The following ASB15 variants were observed in gnomAD, a reference collection of about 807,000 sequenced individuals.
The protein encoded by ASB15 is ankyrin repeat and SOCS box containing 15, also known as ankyrin repeat and SOCS box protein 15.
ASB15 carries 54 observed loss-of-function variants against 58.0 expected under a neutral mutation model. The observed-to-expected ratio is 0.93, with a 90% CI of 0.75 to 1.17. The LOEUF (loss-of-function observed/expected upper bound fraction) is 1.17, where lower values mean the gene tolerates loss of function less well. Ranked by LOEUF, ASB15 falls within the 50% of genes most tolerant of loss-of-function variation. ASB15 has a pLI of 0.00. For missense variants in ASB15, 680 were observed against 707.4 expected (o/e 0.96, Z 0.44); for synonymous variants, 249 against 262.4 (o/e 0.95, Z 0.50).
intron 10 of ASB15, among the ~76,000 whole-genome samples, 172 bp from the exon 11 acceptor site, chr7:123,629,794 G>A (rs1192125957): frequency 1.3e-5 from 2 of 152,126 alleles, no homozygotes; most frequent in African/African-American, 4.8e-5. Context: ...AGTCTTCAGG[G>A]CTGATGGTTT....
chr7:123,628,883 C>A lies in ASB15; in HGVS notation c.889C>A (p.Pro297Thr). ...GHYLALKYLIPVTSKNAIRKS... is the reference protein window; with the variant it reads ...GHYLALKYLITVTSKNAIRKS... ...TTTTAGTGCACTGAAATATCTTATC[C>A]CAGTAACATCTAAAAATGCAATTCG... The change falls in exon 10 of 12, where the codon CCA (proline) becomes ACA (threonine). Residue 297 changes from proline (P) to threonine (T), a missense_variant. Transcript: ENST00000451215. 1 of 1,545,540 alleles carries A rather than the reference C, an allele frequency of 6.5e-7. No individual in the cohort carries two copies. The highest frequency in any genetic ancestry group is 8.7e-7 in the Non-Finnish European group (1 of 1,147,316).
chr7:123,604,906 A>T (rs912978776), intron 2 of ASB15, among the ~76,000 whole-genome samples: 20 of 152,334 alleles, frequency 1.3e-4, no homozygotes, highest in African/African-American at 4.3e-4. Flanking sequence ...TTTACTGACT[A>T]CTTGTGACAC....
In ASB15 at chr7:123,614,393, G is replaced by C. The variant is rs1800662270; in HGVS notation, c.-2-108G>C. 7.4e-6 allele frequency: 5 copies of C among 677,968 alleles called. No homozygotes were observed. The South Asian group carries it at 9.3e-5, about 13-fold the overall frequency. 42.0% of individuals were successfully genotyped at this position (677,968 alleles called of 1,614,324 possible). The stretch of plus-strand genomic sequence containing the variant: ...CATTTGTATTTGTTAACTAGGGAAA[G>C]GAAAATGCATTTTAGTTTTTCACTA... On this transcript the variant is annotated intron_variant, in intron 3 of 11. Transcript: ENST00000451215.
At chr7:123,568,240 C>T (rs1205052230) in intron 1 of ASB15, among the ~76,000 whole-genome samples, 5 of 152,078 alleles carry the variant, frequency 3.3e-5, no homozygotes, top group South Asian at 2.1e-4. Context: ...TGGCTGGGCG[C>T]GGTGGCTCAC....
intron 1 of ASB15, among the ~76,000 whole-genome samples, chr7:123,594,124 T>A (rs950072554): frequency 6.6e-6 from 1 of 152,148 alleles, no homozygotes; most frequent in Non-Finnish European, 1.5e-5. Flanking sequence ...GGTTTTCAGC[T>A]CCATCAGGTC....
chr7:123,579,588 A>G (rs1156994988), intron 1 of ASB15, among the ~76,000 whole-genome samples: 1 of 152,098 alleles, frequency 6.6e-6, no homozygotes, highest in Non-Finnish European at 1.5e-5. Flanking sequence ...AATTGCAGTC[A>G]AAATGAAAGT....
chr7:123,634,921 T>A (rs1393014566), intron 11 of ASB15, among the ~76,000 whole-genome samples: 2 of 152,150 alleles, frequency 1.3e-5, no homozygotes, highest in African/African-American at 4.8e-5. Context: ...GTTATCAATT[T>A]GCAAGAAGTA....
At chr7:123,614,337 T>A in intron 3 of ASB15, 164 bp from the exon 4 acceptor site, 2 of 552,472 alleles carry the variant, frequency 3.6e-6, no homozygotes, top group Non-Finnish European at 6.3e-6. Flanking sequence ...AAAATGGACC[T>A]CACAAGTAAT....
intron 1 of ASB15, among the ~76,000 whole-genome samples, 199 bp from the exon 2 acceptor site, chr7:123,603,833 A>G (rs1800006769): frequency 6.6e-6 from 1 of 152,108 alleles, no homozygotes; most frequent in Non-Finnish European, 1.5e-5. Context: ...GATCTTTGGG[A>G]TACTGGGGTC....
intron 8 of ASB15, 195 bp downstream of exon 8, chr7:123,625,009 T>A: frequency 1.6e-6 from 1 of 620,620 alleles, no homozygotes; most frequent in Non-Finnish European, 2.7e-6. Context: ...GCCCTATACA[T>A]TGTGACCTAC....
chr7:123,595,124 GCCTAAATGACACTTAT>G (rs1231562214), intron 1 of ASB15, among the ~76,000 whole-genome samples: 1 of 152,218 alleles, frequency 6.6e-6, no homozygotes, highest in Non-Finnish European at 1.5e-5. Context: ...GGCATGGGAG[GCCTAAATGACACTTAT>G]CCTAAATGAC....
At chr7:123,577,909 A>G (rs1181057478) in intron 1 of ASB15, among the ~76,000 whole-genome samples, 1 of 151,984 alleles carries the variant, frequency 6.6e-6, no homozygotes, top group East Asian at 1.9e-4. Context: ...TTTAAAAATT[A>G]TACTTTAAGT....
rs763020001 is a variant in ASB15, at chr7:123,614,495, A to G, written c.-2-6A>G. On this transcript the variant is annotated splice_polypyrimidine_tract_variant and splice_region_variant and intron_variant, in intron 3 of 11. Transcript: ENST00000451215. ...AAGAACTTGTCTCGTTCAAAATTAT[A>G]TGCAGGAATGGATACTAATGATGAC... The G allele has an allele frequency of 1.9e-6, 3 of 1,538,684 alleles. No individual in the cohort carries two copies. In the Admixed American group the frequency reaches 5.1e-5, roughly 26 times the overall value.
chr7:123,624,311 T>C (rs1196001788), intron 7 of ASB15, among the ~76,000 whole-genome samples: 1 of 152,200 alleles, frequency 6.6e-6, no homozygotes, highest in Non-Finnish European at 1.5e-5. Context: ...ATCCTAGTGA[T>C]ACGTGTTATT....
intron 11 of ASB15, among the ~76,000 whole-genome samples, chr7:123,632,800 T>G (rs912574705): frequency 2.6e-5 from 4 of 152,074 alleles, no homozygotes; most frequent in Non-Finnish European, 4.4e-5. Flanking sequence ...AAGAAAAACT[T>G]GTAATAAAAA....
Position 123,619,462 on chromosome 7 carries a change from G to A in ASB15, c.451+1725G>A, listed in dbSNP as rs1183763746. 7.9e-4 allele frequency among the ~76,000 whole-genome samples: 120 copies of A among 152,216 alleles called. 2 individuals carry two copies. Among genetic ancestry groups the A allele is most frequent in the East Asian group, 1.9e-4 (1 of 5,166 alleles). The stretch of plus-strand genomic sequence containing the variant: ...AGGGGAACGGCAGGTGTTCTGCCCC[G>A]ATACAGTTTGCTCAGTGAAGAGGGT... On this transcript the variant is annotated intron_variant, in intron 7 of 11. Transcript: ENST00000451215.
At chr7:123,571,629 G>T (rs1051729737) in intron 1 of ASB15, among the ~76,000 whole-genome samples, 1 of 152,122 alleles carries the variant, frequency 6.6e-6, no homozygotes, top group Non-Finnish European at 1.5e-5. Context: ...AACAGTTAAG[G>T]TCATTGCCAA....
intron 10 of ASB15, 84 bp from the exon 11 acceptor site, chr7:123,629,880 CAG>C: frequency 1.0e-6 from 1 of 964,444 alleles, no homozygotes; most frequent in Non-Finnish European, 1.5e-6. Flanking sequence ...TGTAGTAAAA[CAG>C]AGTAATTTTT....
chr7:123,624,338 C>T lies in ASB15; in HGVS notation c.452-231C>T, dbSNP rs373430497. Among the ~76,000 whole-genome samples, 349 of 152,282 alleles carry T rather than the reference C, an allele frequency of 2.3e-3. 1 individual carries two copies. Among genetic ancestry groups the T allele is most frequent in the African/African-American group, 8.0e-3 (334 of 41,540 alleles). On this transcript the variant is annotated intron_variant, in intron 7 of 11. Transcript: ENST00000451215. ...CGTGTTATTTTCTGTGAAACTCTTA[C>T]CCCTCCTCCAGGTCTTAAAGAAAAG...
Sources: allele counts gnomAD v4.1 joint callset (sites outside exome capture counted in the v4.1 genomes callset), GRCh38; gene constraint gnomAD v4.1.1; transcripts MANE v1.5; gene names NCBI Gene and HGNC (gene_info 2026-07-23, HGNC 2026-07-21).